The following IQCJ variants were observed in gnomAD, a reference collection of about 807,000 sequenced individuals.
IQCJ encodes IQ motif containing J.
IQCJ carries 9 observed loss-of-function variants against 11.0 expected under a neutral mutation model. The ratio of observed to expected loss-of-function variants is 0.82; its 90% CI spans 0.49 to 1.43. IQCJ has a LOEUF of 1.43. Among genes scored for constraint, IQCJ ranks in the 40% most tolerant of loss-of-function variants. IQCJ has a pLI of 0.00. For synonymous variants in IQCJ, 55 were observed against 51.3 expected (o/e 1.07, Z -0.31); for missense variants, 146 against 133.2 (o/e 1.10, Z -0.47).
chr3:159,194,183 C>G (rs1723847593), intron 1 of IQCJ, among the ~76,000 whole-genome samples: 1 of 152,166 alleles, frequency 6.6e-6, no homozygotes, highest in South Asian at 2.1e-4. Context: ...AAAACTTGCT[C>G]AGATATGAAA....
chr3:159,259,638 G>A lies in IQCJ; in HGVS notation c.156-2910G>A, dbSNP rs1728091955. ...TACTGGAACAATTTAATCTTTGAAGGTCATGTTGTAGGAATCGCCAAGGGG... is the reference window on the plus strand; with the variant it reads ...TACTGGAACAATTTAATCTTTGAAGATCATGTTGTAGGAATCGCCAAGGGG... On this transcript the variant is annotated intron_variant, in intron 3 of 3. Transcript: ENST00000397832. Among the ~76,000 whole-genome samples, 3 of 152,266 alleles carry A rather than the reference G, an allele frequency of 2.0e-5. No individual in the cohort carries two copies. The South Asian group carries it at 6.2e-4, about 32-fold the overall frequency.
chr3:159,133,174 C>T (rs567851572), intron 1 of IQCJ, among the ~76,000 whole-genome samples: 1 of 152,092 alleles, frequency 6.6e-6, no homozygotes, highest in Admixed American at 6.5e-5. Context: ...GCACACAGCC[C>T]AGGACACATG....
At chr3:159,147,760 G>T (rs148237285) in intron 1 of IQCJ, among the ~76,000 whole-genome samples, 232 of 152,256 alleles carry the variant, frequency 1.5e-3, no homozygotes, top group Middle Eastern at 6.8e-3. Flanking sequence ...TGGTCATCTT[G>T]TCAACATAAT....
intron 1 of IQCJ, among the ~76,000 whole-genome samples, chr3:159,193,970 A>G (rs1329384528): frequency 2.6e-5 from 4 of 152,106 alleles, no homozygotes; most frequent in Admixed American, 6.5e-5. Context: ...TGTCTACTTG[A>G]TTTTCAAGGG....
chr3:159,127,839 G>T (rs564084772), intron 1 of IQCJ, among the ~76,000 whole-genome samples: 14 of 152,234 alleles, frequency 9.2e-5, no homozygotes, highest in Non-Finnish European at 1.3e-4. Context: ...CTGCCTTTGG[G>T]TTTTTTTGTA....
intron 1 of IQCJ, among the ~76,000 whole-genome samples, chr3:159,187,943 C>T (rs1323399421): frequency 3.3e-5 from 5 of 152,146 alleles, no homozygotes; most frequent in African/African-American, 1.2e-4. Flanking sequence ...CACTATTAGG[C>T]TTAAGCCAAT....
chr3:159,181,952 GTC>G (rs1723115589), intron 1 of IQCJ, among the ~76,000 whole-genome samples: 1 of 150,754 alleles, frequency 6.6e-6, no homozygotes, highest in Admixed American at 6.6e-5. Context: ...CCTTTAAAGT[GTC>G]TCTCTTATCT....
At chr3:159,171,538 C>G (rs185620286) in intron 1 of IQCJ, among the ~76,000 whole-genome samples, 1 of 152,122 alleles carries the variant, frequency 6.6e-6, no homozygotes. Context: ...AAGAATCATG[C>G]GTCAATCAGC....
intron 1 of IQCJ, among the ~76,000 whole-genome samples, chr3:159,201,161 G>A (rs1724306686): frequency 6.6e-6 from 1 of 152,130 alleles, no homozygotes; most frequent in Non-Finnish European, 1.5e-5. Context: ...AGAATAAAAG[G>A]CACTAGGATT....
At chr3:159,103,915 A>G (rs1011040758) in intron 1 of IQCJ, among the ~76,000 whole-genome samples, 4 of 152,274 alleles carry the variant, frequency 2.6e-5, no homozygotes, top group African/African-American at 9.6e-5. Flanking sequence ...AATTTAATGT[A>G]TATTCAAATT....
intron 1 of IQCJ, among the ~76,000 whole-genome samples, chr3:159,240,784 G>A (rs953342184): frequency 8.6e-5 from 13 of 151,954 alleles, no homozygotes; most frequent in African/African-American, 2.7e-4. Context: ...GTAGAGAGGG[G>A]GTTTCACCTT....
chr3:159,241,254 A>G (rs1350963145), intron 1 of IQCJ, among the ~76,000 whole-genome samples: 1 of 151,696 alleles, frequency 6.6e-6, no homozygotes. Flanking sequence ...TTAAAAATAC[A>G]AAAAATTAGC....
At chr3:159,217,767 G>T (rs1344214092) in intron 1 of IQCJ, among the ~76,000 whole-genome samples, 1 of 151,850 alleles carries the variant, frequency 6.6e-6, no homozygotes, top group Non-Finnish European at 1.5e-5. Flanking sequence ...TCATTTCCTG[G>T]GTCTTCCCTG....
rs542937976 is a variant in IQCJ, at chr3:159,241,922, A to G, written c.10-3921A>G. Among the ~76,000 whole-genome samples the G allele has an allele frequency of 2.6e-5, 4 of 152,336 alleles. No homozygotes were observed. In the South Asian group the frequency reaches 6.2e-4, roughly 24 times the overall value. ...AAGCATGGTAAATATACCACAAGTG[A>G]TGGGTGACATTTTAGAGAGTTCAAT... On this transcript the variant is annotated intron_variant, in intron 1 of 3. Transcript: ENST00000397832.
At chr3:159,163,297 A>G (rs1446951715) in intron 1 of IQCJ, among the ~76,000 whole-genome samples, 1 of 152,234 alleles carries the variant, frequency 6.6e-6, no homozygotes, top group East Asian at 1.9e-4. Context: ...GTAATCCAGC[A>G]TATAAACAGA....
chr3:159,089,937 A>G (rs931305019), intron 1 of IQCJ, among the ~76,000 whole-genome samples: 1 of 151,938 alleles, frequency 6.6e-6, no homozygotes, highest in Non-Finnish European at 1.5e-5. Context: ...GTTATTCTCC[A>G]TCCAGCTTTG....
chr3:159,244,768 G>A (rs1191488678), intron 1 of IQCJ, among the ~76,000 whole-genome samples: 1 of 152,180 alleles, frequency 6.6e-6, no homozygotes, highest in Non-Finnish European at 1.5e-5. Context: ...TGATCTAGGA[G>A]ACTTGGGTGT....
rs375072113 is a variant in IQCJ, at chr3:159,168,037, TC to T, written c.10-77801del. On this transcript the variant is annotated intron_variant, in intron 1 of 3. Transcript: ENST00000397832. ...TCTTGCCCAGGTGAGCTGGCCTTTTTCCCCCAATTCTAGGACCATCTGTGGC... is the reference window on the plus strand; with the variant it reads ...TCTTGCCCAGGTGAGCTGGCCTTTTTCCCCAATTCTAGGACCATCTGTGGC... 5.3e-4 allele frequency among the ~76,000 whole-genome samples: 80 copies of T among 152,240 alleles called. No homozygotes were observed. In the East Asian group the frequency reaches 0.015, roughly 28 times the overall value.
chr3:159,108,503 GAGAAA>G (rs1039526344), intron 1 of IQCJ, among the ~76,000 whole-genome samples: 23 of 152,260 alleles, frequency 1.5e-4, no homozygotes, highest in African/African-American at 5.3e-4. Flanking sequence ...AATAGGTGAT[GAGAAA>G]AGAAAAGAAA....
Sources: gnomAD v4.1 joint callset for allele counts (sites outside exome capture counted in the v4.1 genomes callset) on GRCh38, gnomAD v4.1.1 for gene constraint, MANE v1.5 for transcripts, NCBI Gene and HGNC (gene_info 2026-07-23, HGNC 2026-07-21) for gene names.